Variants in KLHL29 observed in about 807,000 individuals in gnomAD.
KLHL29 encodes the protein kelch-like protein 29.
Under a neutral mutation model 80.4 loss-of-function variants are expected in KLHL29, and 21 were observed. The observed-to-expected ratio is 0.26, with a 90% CI of 0.19 to 0.38. The LOEUF is 0.38. KLHL29 is among the 10% of genes least tolerant of loss of function. KLHL29 has a pLI of 1.00. For missense variants in KLHL29, 867 were observed against 1,223.9 expected (o/e 0.71, Z 4.35); for synonymous variants, 511 against 526.8 (o/e 0.97, Z 0.41).
chr2:23,633,080 G>A (rs924281870), intron 3 of KLHL29, among the ~76,000 whole-genome samples: 7 of 152,200 alleles, frequency 4.6e-5, no homozygotes, highest in African/African-American at 1.7e-4. Context: ...CCAGGCAGGT[G>A]GGATGGGCAC....
chr2:23,481,032 A>G (rs1041077044), intron 2 of KLHL29, among the ~76,000 whole-genome samples: 1 of 152,196 alleles, frequency 6.6e-6, no homozygotes, highest in African/African-American at 2.4e-5. Flanking sequence ...TGCCTCTTCC[A>G]TGCTCTCGAA....
intron 2 of KLHL29, among the ~76,000 whole-genome samples, chr2:23,540,971 G>A (rs1666815645): frequency 6.6e-6 from 1 of 152,186 alleles, no homozygotes; most frequent in Non-Finnish European, 1.5e-5. Flanking sequence ...TGGCCAGGGG[G>A]ATAGAACACC....
intron 1 of KLHL29, among the ~76,000 whole-genome samples, chr2:23,390,516 G>A (rs1413076923): frequency 6.6e-6 from 1 of 151,560 alleles, no homozygotes; most frequent in Non-Finnish European, 1.5e-5. Context: ...ATATGTATGT[G>A]TATATATATA....
chr2:23,588,859 G>C (rs541329215), intron 3 of KLHL29, among the ~76,000 whole-genome samples: 2 of 152,232 alleles, frequency 1.3e-5, no homozygotes, highest in African/African-American at 4.8e-5. Flanking sequence ...AGAGCTCTCC[G>C]GTTAAGCCTG....
chr2:23,626,562 A>C (rs1417362098), intron 3 of KLHL29, among the ~76,000 whole-genome samples: 1 of 152,240 alleles, frequency 6.6e-6, no homozygotes, highest in African/African-American at 2.4e-5. Context: ...CAGCTGTTGT[A>C]ATTATGATCC....
At chr2:23,500,183 G>A (rs1235966591) in intron 2 of KLHL29, among the ~76,000 whole-genome samples, 1 of 152,168 alleles carries the variant, frequency 6.6e-6, no homozygotes, top group Non-Finnish European at 1.5e-5. Flanking sequence ...CCTTAGCAAG[G>A]AAGGACACAG....
At chr2:23,423,874 T>A (rs1662925879) in intron 1 of KLHL29, among the ~76,000 whole-genome samples, 1 of 152,194 alleles carries the variant, frequency 6.6e-6, no homozygotes, top group South Asian at 2.1e-4. Flanking sequence ...TGTGTCTTTC[T>A]CCCTGAAGAC....
intron 3 of KLHL29, among the ~76,000 whole-genome samples, chr2:23,624,699 G>T (rs1357752305): frequency 6.6e-6 from 1 of 152,164 alleles, no homozygotes; most frequent in Non-Finnish European, 1.5e-5. Flanking sequence ...TCTGGCTGCA[G>T]CAACCCAGAG....
chr2:23,439,915 A>G lies in KLHL29; in HGVS notation c.-153-35645A>G, dbSNP rs552858140. 5.5e-3 allele frequency among the ~76,000 whole-genome samples: 833 copies of G among 151,944 alleles called. 14 individuals are homozygous for G. Among genetic ancestry groups the G allele is most frequent in the African/African-American group, 0.019 (797 of 41,380 alleles). Reference sequence around the variant, plus strand: ...TGTCTAATGTTGACAGTGGGGTGTTAAAGTCTCCCATTATTATTGTGTGGG... The same window carrying G: ...TGTCTAATGTTGACAGTGGGGTGTTGAAGTCTCCCATTATTATTGTGTGGG... On this transcript the variant is annotated intron_variant, in intron 1 of 13. Transcript: ENST00000486442.
At chr2:23,464,080 TC>T in intron 1 of KLHL29, among the ~76,000 whole-genome samples, 1 of 152,358 alleles carries the variant, frequency 6.6e-6, no homozygotes, top group Admixed American at 6.5e-5. Flanking sequence ...AGCCTATGCT[TC>T]CATCAGGGAA....
chr2:23,573,393 A>G (rs1471555591), intron 3 of KLHL29, among the ~76,000 whole-genome samples: 2 of 152,190 alleles, frequency 1.3e-5, no homozygotes, highest in East Asian at 1.9e-4. Context: ...AATTATTATT[A>G]GCACCACTTC....
intron 3 of KLHL29, among the ~76,000 whole-genome samples, chr2:23,583,232 C>T (rs1485978302): frequency 6.6e-6 from 1 of 152,068 alleles, no homozygotes; most frequent in East Asian, 1.9e-4. Context: ...TTGCCGCAGC[C>T]CCAGAAAAAT....
intron 2 of KLHL29, among the ~76,000 whole-genome samples, chr2:23,537,350 G>A (rs1666702053): frequency 7.4e-6 from 1 of 135,788 alleles, no homozygotes; most frequent in African/African-American, 2.7e-5. Flanking sequence ...GGCATTGAAA[G>A]TCCTTTAGGA....
At chr2:23,597,377 G>A (rs113470508) in intron 3 of KLHL29, among the ~76,000 whole-genome samples, 5,955 of 23,950 alleles carry the variant, frequency 0.25, 391 homozygotes, top group African/African-American at 0.4. Context: ...ATATATGTGT[G>A]TGTGTGTATA....
chr2:23,601,478 C>T (rs1027983882), intron 3 of KLHL29, among the ~76,000 whole-genome samples: 1 of 152,166 alleles, frequency 6.6e-6, no homozygotes, highest in Non-Finnish European at 1.5e-5. Context: ...TCAAGCCTCC[C>T]CCTCTGTGGT....
At chr2:23,431,384 C>G (rs1466455744) in intron 1 of KLHL29, among the ~76,000 whole-genome samples, 2 of 152,212 alleles carry the variant, frequency 1.3e-5, no homozygotes, top group Non-Finnish European at 2.9e-5. Context: ...ATTTCATTAT[C>G]TAACAAGTGT....
At position 23,642,484 on chromosome 2, in the gene KLHL29, C is replaced by G. The variant is rs1337871521; in HGVS notation, c.574C>G (p.His192Asp). Residue 192 changes from histidine to aspartate, a missense_variant, in exon 5 of 14, where the codon CAC becomes GAC. By Grantham distance (81) the His-to-Asp change is moderately conservative. Coordinates refer to ENST00000486442, the MANE Select transcript of KLHL29 (RefSeq NM_052920.2). ...TGGGGTGACCCCCTCACTGCCTCCC[C>G]ACGTGGGGCCCCAGCTCCCGCTGAT... Reference protein sequence around the residue: ...VIGVTPSLPPHVGPQLPLMPG... With the variant: ...VIGVTPSLPPDVGPQLPLMPG... 2 of 1,518,718 alleles carry G rather than the reference C, an allele frequency of 1.3e-6. No individual in the cohort carries two copies. Among genetic ancestry groups the G allele is most frequent in the Non-Finnish European group, 1.8e-6 (2 of 1,128,638 alleles). The allele number at this position is 1,518,718 out of a possible 1,614,324, so 94.1% of individuals were successfully genotyped here.
At chr2:23,573,927 G>A (rs988883823) in intron 3 of KLHL29, among the ~76,000 whole-genome samples, 23 of 152,148 alleles carry the variant, frequency 1.5e-4, no homozygotes, top group Non-Finnish European at 2.8e-4. Flanking sequence ...CAGTTCCTTC[G>A]CAGAAGGGCA....
chr2:23,705,931 G>A (rs1672691190), intron 13 of KLHL29, among the ~76,000 whole-genome samples: 1 of 152,156 alleles, frequency 6.6e-6, no homozygotes, highest in African/African-American at 2.4e-5. Context: ...CAGGGAAGGG[G>A]TCCAGGCACA....
Sources: gnomAD v4.1 joint callset for allele counts (sites outside exome capture counted in the v4.1 genomes callset) on GRCh38, gnomAD v4.1.1 for gene constraint, MANE v1.5 for transcripts, NCBI Gene and HGNC (gene_info 2026-07-23, HGNC 2026-07-21) for gene names.